CTNNA2: variants seen among roughly 807,000 people sequenced by gnomAD.
CTNNA2 encodes catenin alpha 2.
CTNNA2 carries 42 observed loss-of-function variants against 101.0 expected under a neutral mutation model. The ratio of observed to expected loss-of-function variants is 0.42; its 90% CI spans 0.32 to 0.54. The LOEUF (loss-of-function observed/expected upper bound fraction) is 0.54. Among genes scored for constraint, CTNNA2 ranks in the 20% least tolerant of loss-of-function variants. The pLI is 0.14. For missense variants in CTNNA2, 871 were observed against 1,223.1 expected (o/e 0.71, Z 4.29); for synonymous variants, 450 against 456.4 (o/e 0.99, Z 0.18).
At chr2:79,606,104 T>C (rs1677872351) in intron 1 of CTNNA2, among the ~76,000 whole-genome samples, 1 of 152,156 alleles carries the variant, frequency 6.6e-6, no homozygotes, top group Non-Finnish European at 1.5e-5. Flanking sequence ...AATAATATCT[T>C]GCCCATTACA....
At chr2:80,504,423 A>C (rs1476562980) in intron 9 of CTNNA2, among the ~76,000 whole-genome samples, 2 of 152,166 alleles carry the variant, frequency 1.3e-5, no homozygotes, top group Non-Finnish European at 2.9e-5. Context: ...GCTTGACCAA[A>C]GTAAATTGAT....
At chr2:79,932,491 T>C (rs1687517016) in intron 7 of CTNNA2, among the ~76,000 whole-genome samples, 1 of 152,032 alleles carries the variant, frequency 6.6e-6, no homozygotes, top group African/African-American at 2.4e-5. Flanking sequence ...TCTTTTTTTT[T>C]TTTTCTTTTT....
At chr2:79,380,267 T>TG (rs1162439474) in intron 4 of CTNNA2, among the ~76,000 whole-genome samples, 1 of 151,186 alleles carries the variant, frequency 6.6e-6, no homozygotes, top group Non-Finnish European at 1.5e-5. Flanking sequence ...TTTCTTTTTT[T>TG]TTTTCCGTGA....
At chr2:80,603,873 C>A in intron 15 of CTNNA2, 1 of 535,068 alleles carries the variant, frequency 1.9e-6, no homozygotes, top group Non-Finnish European at 3.3e-6. Flanking sequence ...TGTGAACATG[C>A]ACATAAAAAT....
intron 1 of CTNNA2, among the ~76,000 whole-genome samples, chr2:79,603,711 G>A (rs1163920887): frequency 1.3e-5 from 2 of 152,170 alleles, no homozygotes; most frequent in African/African-American, 2.4e-5. Flanking sequence ...AAGAGCAACT[G>A]CCTGAAATTG....
rs548387714 is a variant in CTNNA2 at position 80,584,808 on chromosome 2, G to A, written c.2007+2989G>A. 9.3e-4 allele frequency among the ~76,000 whole-genome samples: 142 copies of A among 152,104 alleles called. 2 individuals are homozygous for A. Among genetic ancestry groups the A allele is most frequent in the Non-Finnish European group, 1.1e-3 (72 of 68,022 alleles). On this transcript the variant is annotated intron_variant, in intron 14 of 18. Transcript: ENST00000402739. ...TAAATATGTAATAATTAAGTTGGTG[G>A]TAATGGTGATGATGCTTGTGGCTTG...
chr2:80,256,869 TAACAC>T (rs1573527726), intron 7 of CTNNA2, among the ~76,000 whole-genome samples: 2 of 152,216 alleles, frequency 1.3e-5, no homozygotes, highest in East Asian at 3.8e-4. Context: ...ACTGAATGAA[TAACAC>T]CATTGGTTCA....
At chr2:79,955,042 C>T (rs897845663) in intron 7 of CTNNA2, among the ~76,000 whole-genome samples, 1 of 152,176 alleles carries the variant, frequency 6.6e-6, no homozygotes, top group Non-Finnish European at 1.5e-5. Context: ...ATTTCTTGGA[C>T]ATCATTTCAA....
chr2:80,247,273 T>G (rs1671398042), intron 7 of CTNNA2, among the ~76,000 whole-genome samples: 1 of 152,118 alleles, frequency 6.6e-6, no homozygotes, highest in African/African-American at 2.4e-5. Context: ...TTGGGAAGCT[T>G]TGGACTCCCT....
intron 7 of CTNNA2, among the ~76,000 whole-genome samples, chr2:80,377,373 G>A (rs1473000737): frequency 6.6e-6 from 1 of 152,190 alleles, no homozygotes; most frequent in South Asian, 2.1e-4. Context: ...TTTCATGCTA[G>A]ACTCAGAGAT....
intron 2 of CTNNA2, among the ~76,000 whole-genome samples, chr2:79,686,905 T>A (rs1393774270): frequency 6.6e-6 from 1 of 152,162 alleles, no homozygotes. Flanking sequence ...CAAATGCCAC[T>A]CCATTAATTT....
At chr2:79,398,446 GT>G (rs1273095791) in intron 4 of CTNNA2, among the ~76,000 whole-genome samples, 3 of 152,070 alleles carry the variant, frequency 2.0e-5, no homozygotes, top group Non-Finnish European at 2.9e-5. Flanking sequence ...AACCACCTGA[GT>G]TTTTTATTCA....
intron 2 of CTNNA2, among the ~76,000 whole-genome samples, chr2:79,706,252 T>A (rs544047801): frequency 1.3e-4 from 19 of 150,778 alleles, no homozygotes; most frequent in Non-Finnish European, 2.2e-4. Flanking sequence ...AGTCCCAGCT[T>A]CTCGGGAGGC....
chr2:80,439,734 G>A (rs1321246595), intron 9 of CTNNA2, among the ~76,000 whole-genome samples: 1 of 152,066 alleles, frequency 6.6e-6, no homozygotes, highest in African/African-American at 2.4e-5. Flanking sequence ...CGTTTGTATT[G>A]TATGGTTTTA....
chr2:80,322,234 T>C (rs981085771), intron 7 of CTNNA2, among the ~76,000 whole-genome samples: 1 of 152,152 alleles, frequency 6.6e-6, no homozygotes, highest in African/African-American at 2.4e-5. Context: ...TAAAGCAAAC[T>C]CAATATACGT....
At chr2:79,930,389 A>C (rs1338938962) in intron 7 of CTNNA2, among the ~76,000 whole-genome samples, 1 of 152,140 alleles carries the variant, frequency 6.6e-6, no homozygotes, top group Non-Finnish European at 1.5e-5. Flanking sequence ...CTCCTCCCTC[A>C]CTTCAGAGGA....
At chr2:79,236,591 G>A (rs371093419) in intron 2 of CTNNA2, among the ~76,000 whole-genome samples, 2 of 152,158 alleles carry the variant, frequency 1.3e-5, no homozygotes, top group African/African-American at 4.8e-5. Flanking sequence ...CTGTCTGATA[G>A]CCTTTCACTC....
intron 15 of CTNNA2, among the ~76,000 whole-genome samples, chr2:80,593,108 G>T (rs567947602): frequency 2.5e-4 from 38 of 152,212 alleles, no homozygotes; most frequent in South Asian, 4.2e-4. Flanking sequence ...ACATACTCCA[G>T]ATGGGACAAT....
intron 9 of CTNNA2, among the ~76,000 whole-genome samples, chr2:80,520,764 TGA>T (rs1689478177): frequency 6.6e-6 from 1 of 152,198 alleles, no homozygotes. Context: ...GGTATTGTAC[TGA>T]GAGACTCTAA....
Sources: gnomAD v4.1 joint callset for allele counts (sites outside exome capture counted in the v4.1 genomes callset) on GRCh38, gnomAD v4.1.1 for gene constraint, MANE v1.5 for transcripts, NCBI Gene and HGNC (gene_info 2026-07-23, HGNC 2026-07-21) for gene names.